The following FOXO1 variants were observed in gnomAD, a reference collection of about 807,000 sequenced individuals.
FOXO1 encodes forkhead box O1.
Under a neutral mutation model 44.1 loss-of-function variants are expected in FOXO1, and 6 were observed. The ratio of observed to expected loss-of-function variants is 0.14; its 90% CI spans 0.07 to 0.27. The LOEUF is 0.27. Among genes scored for constraint, FOXO1 ranks in the 10% least tolerant of loss-of-function variants. FOXO1 has a pLI of 1.00. For missense variants in FOXO1, 737 were observed against 888.8 expected (o/e 0.83, Z 2.17); for synonymous variants, 380 against 362.7 (o/e 1.05, Z -0.54).
In FOXO1 at chr13:40,558,774, T is replaced by C. The variant is rs1305576879; in HGVS notation, c.*275A>G. 2.5e-6 allele frequency: 1 copy of C among 398,860 alleles called. No homozygotes were observed. The highest frequency in any genetic ancestry group is 4.4e-6 in the Non-Finnish European group (1 of 226,010). 24.7% of individuals were successfully genotyped at this position (398,860 alleles called of 1,614,324 possible). ...TCTTTTCTGCAATTATATGGTGTAG[T>C]GAGTTTGGCACTTCATTGTAATGAA... On this transcript the variant is annotated 3_prime_UTR_variant, in exon 3 of 3. Coordinates refer to ENST00000379561, the MANE Select transcript of FOXO1 (RefSeq NM_002015.4).
At position 40,556,512 on chromosome 13, in the gene FOXO1, C is replaced by T. The variant is rs537048188; in HGVS notation, c.*2537G>A. ...GATATCATTTGCACATTTCACAAAG[C>T]AATCATGTACAATAACTGATATATA... On this transcript the variant is annotated 3_prime_UTR_variant, in exon 3 of 3. Transcript: ENST00000379561. The T allele has an allele frequency of 4.6e-5, 7 of 152,660 alleles. No individual in the cohort carries two copies. The South Asian group carries it at 1.5e-3, about 32-fold the overall frequency. The allele number at this position is 152,660 out of a possible 1,614,324, so 9.5% of individuals were successfully genotyped here.
chr13:40,616,781 G>A (rs1876436778), intron 1 of FOXO1, among the ~76,000 whole-genome samples: 1 of 152,242 alleles, frequency 6.6e-6, no homozygotes, highest in East Asian at 1.9e-4. Flanking sequence ...ATTAAGACCT[G>A]AAGTAGACCA....
intron 1 of FOXO1, among the ~76,000 whole-genome samples, chr13:40,655,810 T>C (rs1877842435): frequency 6.6e-6 from 1 of 151,910 alleles, no homozygotes; most frequent in Admixed American, 6.6e-5. Context: ...CACTGGCTAA[T>C]TTTTTGTATT....
chr13:40,562,450 G>C (rs752160248), intron 1 of FOXO1, among the ~76,000 whole-genome samples: 2 of 152,174 alleles, frequency 1.3e-5, no homozygotes, highest in Admixed American at 6.5e-5. Context: ...AGCCCCTAAT[G>C]TGTCTTAAGT....
At chr13:40,627,447 A>ATGAGGGT (rs1876821047) in intron 1 of FOXO1, among the ~76,000 whole-genome samples, 1 of 152,230 alleles carries the variant, frequency 6.6e-6, no homozygotes, top group Non-Finnish European at 1.5e-5. Context: ...CCTGTACTGG[A>ATGAGGGT]TTCTGTATGA....
chr13:40,612,489 G>T (rs925733118), intron 1 of FOXO1, among the ~76,000 whole-genome samples: 1 of 152,166 alleles, frequency 6.6e-6, no homozygotes, highest in Non-Finnish European at 1.5e-5. Flanking sequence ...ACATATGTAC[G>T]TATACACACA....
At position 40,627,552 on chromosome 13, in the gene FOXO1, G is replaced by C. The variant is rs145700696; in HGVS notation, c.630+38031C>G. On this transcript the variant is annotated intron_variant, in intron 1 of 2. Coordinates refer to ENST00000379561, the MANE Select transcript of FOXO1 (RefSeq NM_002015.4). The stretch of plus-strand genomic sequence containing the variant: ...TACTGTATTAACAATAACTTTCCTG[G>C]CCAAGCGTGGTGGCTCATGCCTGTA... 5.0e-4 allele frequency among the ~76,000 whole-genome samples: 76 copies of C among 152,222 alleles called. No homozygotes were observed. In the East Asian group the frequency reaches 0.014, roughly 27 times the overall value.
chr13:40,585,974 C>T (rs1165879149), intron 1 of FOXO1, among the ~76,000 whole-genome samples: 2 of 152,162 alleles, frequency 1.3e-5, no homozygotes, highest in African/African-American at 4.8e-5. Context: ...AAGTGACTGA[C>T]CTGTGAACTC....
intron 1 of FOXO1, among the ~76,000 whole-genome samples, chr13:40,653,600 C>G (rs563655004): frequency 3.5e-4 from 53 of 152,312 alleles, no homozygotes; most frequent in African/African-American, 1.3e-3. Flanking sequence ...ACTGGTTTCC[C>G]TCTTCCTCCT....
At chr13:40,661,672 G>T (rs560357729) in intron 1 of FOXO1, among the ~76,000 whole-genome samples, 20 of 152,030 alleles carry the variant, frequency 1.3e-4, no homozygotes, top group African/African-American at 4.8e-4. Context: ...CTAACCACTC[G>T]GTCTCACCAG....
chr13:40,636,730 G>A (rs1168452592), intron 1 of FOXO1, among the ~76,000 whole-genome samples: 1 of 151,858 alleles, frequency 6.6e-6, no homozygotes, highest in African/African-American at 2.4e-5. Flanking sequence ...CCTGACCTCA[G>A]GTGATTCACC....
At chr13:40,638,041 A>G (rs1877218985) in intron 1 of FOXO1, among the ~76,000 whole-genome samples, 1 of 152,200 alleles carries the variant, frequency 6.6e-6, no homozygotes, top group African/African-American at 2.4e-5. Context: ...TAACAGTGAT[A>G]TGTCTACCCA....
chr13:40,632,946 C>T (rs1224064184), intron 1 of FOXO1, among the ~76,000 whole-genome samples: 7 of 149,534 alleles, frequency 4.7e-5, no homozygotes, highest in African/African-American at 1.2e-4. Context: ...AAAAAAAGGG[C>T]GAAGGATCTG....
intron 1 of FOXO1, among the ~76,000 whole-genome samples, chr13:40,571,086 T>C (rs1174667808): frequency 6.6e-6 from 1 of 152,178 alleles, no homozygotes; most frequent in African/African-American, 2.4e-5. Context: ...CTCAAATGAA[T>C]GTCATCAACC....
chr13:40,665,809 G>T lies in FOXO1; in HGVS notation c.404C>A (p.Pro135Gln), dbSNP rs1380617984. Residue 135 changes from proline (P) to glutamine (Q), a missense_variant, in exon 1 of 3, where the codon CCG (proline) becomes CAG (glutamine). Around this residue, in one of 7 missense-constraint regions of FOXO1, gnomAD observed 213 missense variants for 236.4 expected, o/e 0.90. Coordinates refer to ENST00000379561, the MANE Select transcript of FOXO1 (RefSeq NM_002015.4). ...PPPPGPLSQH[P>Q]PVPPAAAGPL... ...CCCAGCGGCGGCGGGGGGCACCGGC[G>T]GGTGCTGCGACAGCGGCCCGGGCGG... The T allele has an allele frequency of 4.1e-6, 5 of 1,223,056 alleles. No homozygotes were observed. Among genetic ancestry groups the T allele is most frequent in the Middle Eastern group, 2.4e-4 (1 of 4,168 alleles). 75.8% of individuals were successfully genotyped at this position (1,223,056 alleles called of 1,614,324 possible). A position where few individuals can be genotyped will look rare whatever the true frequency, so the allele number is the denominator to read the frequency against.
intron 1 of FOXO1, among the ~76,000 whole-genome samples, chr13:40,590,882 C>T (rs1047732411): frequency 2.0e-5 from 3 of 152,230 alleles, no homozygotes; most frequent in African/African-American, 4.8e-5. Flanking sequence ...TTTCACTTAA[C>T]GCTACACTTT....
intron 1 of FOXO1, among the ~76,000 whole-genome samples, chr13:40,576,701 G>A (rs1874759157): frequency 6.6e-6 from 1 of 152,166 alleles, no homozygotes; most frequent in African/African-American, 2.4e-5. Context: ...ATGACTTGAA[G>A]GATACTTGAT....
intron 1 of FOXO1, among the ~76,000 whole-genome samples, chr13:40,612,464 T>C (rs1876267427): frequency 1.3e-5 from 2 of 152,330 alleles, no homozygotes; most frequent in South Asian, 4.1e-4. Flanking sequence ...CAGAAGAGAC[T>C]TGTGTGTGTG....
intron 1 of FOXO1, among the ~76,000 whole-genome samples, chr13:40,586,590 A>G (rs1328421694): frequency 1.3e-5 from 2 of 152,152 alleles, no homozygotes; most frequent in African/African-American, 4.8e-5. Context: ...AAAGGTACCA[A>G]ATGGGAAATA....
Sources: allele counts gnomAD v4.1 joint callset (sites outside exome capture counted in the v4.1 genomes callset), GRCh38; gene constraint gnomAD v4.1.1; regional missense constraint gnomAD v4.1.1; transcripts MANE v1.5; gene names NCBI Gene and HGNC (gene_info 2026-07-23, HGNC 2026-07-21).